The following PARP8 variants were observed in gnomAD, a reference collection of about 807,000 sequenced individuals.
PARP8 encodes poly(ADP-ribose) polymerase family member 8.
A neutral mutation model predicts 124.1 loss-of-function variants in PARP8; 51 were observed. The observed-to-expected ratio is 0.41, with a 90% CI of 0.33 to 0.52. PARP8 has a LOEUF of 0.52. Among genes scored for constraint, PARP8 ranks in the 20% least tolerant of loss-of-function variants. PARP8 has a pLI of 0.21. For synonymous variants in PARP8, 391 were observed against 361.5 expected (o/e 1.08, Z -0.93); for missense variants, 860 against 1,018.9 (o/e 0.84, Z 2.12).
chr5:50,804,721 A>G (rs1743630312), intron 14 of PARP8, among the ~76,000 whole-genome samples: 2 of 152,178 alleles, frequency 1.3e-5, no homozygotes, highest in Non-Finnish European at 2.9e-5. Context: ...ACAGCGGTTG[A>G]CTGAAGATTC....
At chr5:50,823,234 C>G (rs1745966736) in intron 17 of PARP8, among the ~76,000 whole-genome samples, 2 of 152,194 alleles carry the variant, frequency 1.3e-5, no homozygotes, top group African/African-American at 4.8e-5. Context: ...TGCTATGCAG[C>G]TTTCTCCCCG....
intron 14 of PARP8, among the ~76,000 whole-genome samples, chr5:50,801,139 A>C (rs936158413): frequency 1.3e-5 from 2 of 151,490 alleles, no homozygotes; most frequent in African/African-American, 4.9e-5. Flanking sequence ...TTTGAGATGG[A>C]GTTTTGCTTT....
chr5:50,734,950 CA>C (rs1554051927), intron 2 of PARP8, among the ~76,000 whole-genome samples: 2 of 151,964 alleles, frequency 1.3e-5, no homozygotes, highest in Non-Finnish European at 2.9e-5. Context: ...AAATTCAAAT[CA>C]TAACAATTAA....
chr5:50,717,548 C>T lies in PARP8; in HGVS notation c.147-32603C>T, dbSNP rs564361796. ...GATTTGGGTTTCATTGCAATAGAGACGACATTTAAAGCCCAAGAGTAGATG... is the reference window on the plus strand; with the variant it reads ...GATTTGGGTTTCATTGCAATAGAGATGACATTTAAAGCCCAAGAGTAGATG... On this transcript the variant is annotated intron_variant, in intron 2 of 25. Transcript: ENST00000281631. Among the ~76,000 whole-genome samples, 128 of 151,658 alleles carry T rather than the reference C, an allele frequency of 8.4e-4. 3 individuals carry two copies. The South Asian group carries it at 0.024, about 28-fold the overall frequency.
At chr5:50,806,076 GC>G (rs1323661148) in intron 14 of PARP8, among the ~76,000 whole-genome samples, 28 of 151,954 alleles carry the variant, frequency 1.8e-4, no homozygotes, top group African/African-American at 6.8e-4. Context: ...AAAAGTAAAT[GC>G]TTTTTGCATG....
At chr5:50,675,511 T>C (rs1186637221) in intron 2 of PARP8, among the ~76,000 whole-genome samples, 1 of 152,190 alleles carries the variant, frequency 6.6e-6, no homozygotes, top group Non-Finnish European at 1.5e-5. Context: ...TTCACCATAT[T>C]GGCCAGGTTG....
chr5:50,790,866 T>G (rs1237829137), intron 10 of PARP8, among the ~76,000 whole-genome samples: 1 of 152,150 alleles, frequency 6.6e-6, no homozygotes, highest in Non-Finnish European at 1.5e-5. Context: ...TTAATATAGA[T>G]TAGAATTATT....
At chr5:50,710,489 C>G (rs1382804247) in intron 2 of PARP8, among the ~76,000 whole-genome samples, 1 of 151,864 alleles carries the variant, frequency 6.6e-6, no homozygotes, top group African/African-American at 2.4e-5. Context: ...TAGAAGGAAA[C>G]CTTTTTTAAA....
intron 2 of PARP8, among the ~76,000 whole-genome samples, chr5:50,674,648 C>G (rs1321071079): frequency 1.3e-5 from 2 of 152,200 alleles, no homozygotes; most frequent in East Asian, 3.8e-4. Context: ...TCCACTGATA[C>G]ATGTTTCTCA....
chr5:50,672,937 C>T (rs1016315335), intron 2 of PARP8, among the ~76,000 whole-genome samples: 2 of 152,108 alleles, frequency 1.3e-5, no homozygotes, highest in African/African-American at 4.8e-5. Context: ...CAGACGTGCC[C>T]ACTCCAGAAA....
chr5:50,778,664 C>A lies in PARP8; in HGVS notation c.670+14C>A. The A allele has an allele frequency of 2.0e-6, 3 of 1,530,630 alleles. No individual in the cohort carries two copies. Among genetic ancestry groups the A allele is most frequent in the South Asian group, 1.2e-5 (1 of 80,968 alleles). 94.8% of individuals were successfully genotyped at this position (1,530,630 alleles called of 1,614,324 possible). The stretch of plus-strand genomic sequence containing the variant: ...TAAATGGCCCAGGTTAGTTTTATTT[C>A]TTTATTTATTATTTTGAATATTAAT... On this transcript the variant is annotated intron_variant, in intron 9 of 25. Coordinates refer to ENST00000281631, the MANE Select transcript of PARP8 (RefSeq NM_024615.4).
At chr5:50,776,143 T>C (rs541780370) in intron 7 of PARP8, among the ~76,000 whole-genome samples, 19 of 152,374 alleles carry the variant, frequency 1.2e-4, no homozygotes, top group African/African-American at 4.6e-4. Context: ...GTTGAAAAGA[T>C]CATAACATTT....
At chr5:50,805,878 A>G (rs937226830) in intron 14 of PARP8, among the ~76,000 whole-genome samples, 1 of 152,038 alleles carries the variant, frequency 6.6e-6, no homozygotes, top group Non-Finnish European at 1.5e-5. Flanking sequence ...AATAACTGCA[A>G]TTTTGTCATT....
chr5:50,831,958 A>G (rs1474977422), intron 22 of PARP8, among the ~76,000 whole-genome samples: 1 of 152,156 alleles, frequency 6.6e-6, no homozygotes, highest in African/African-American at 2.4e-5. Flanking sequence ...GCTTCTCTGC[A>G]TATATATCCT....
chr5:50,666,915 TCCTCCC>T lies in PARP8; in HGVS notation c.-175_-170del. The stretch of plus-strand genomic sequence containing the variant: ...AAAGCCGACCTCCCCCTCCTCCTCC[TCCTCCC>T]CCTCCTCCTCCTCCTCTTCTCTCAC... On this transcript the variant is annotated 5_prime_UTR_variant, in exon 1 of 26. Transcript: ENST00000281631. The T allele has an allele frequency of 7.8e-6, 10 of 1,282,182 alleles. No individual in the cohort carries two copies. The highest frequency in any genetic ancestry group is 1.5e-5 in the South Asian group (1 of 66,072). 79.4% of individuals were successfully genotyped at this position (1,282,182 alleles called of 1,614,324 possible). A position where few individuals can be genotyped will look rare whatever the true frequency, so the allele number is the denominator to read the frequency against.
At chr5:50,776,004 C>T (rs1477940868) in intron 7 of PARP8, among the ~76,000 whole-genome samples, 2 of 152,078 alleles carry the variant, frequency 1.3e-5, no homozygotes, top group Non-Finnish European at 1.5e-5. Context: ...TGAGTTTTTT[C>T]TTATTCAATG....
intron 2 of PARP8, among the ~76,000 whole-genome samples, chr5:50,696,232 T>C (rs1490844974): frequency 1.3e-5 from 2 of 152,308 alleles, no homozygotes; most frequent in East Asian, 1.9e-4. Context: ...TGGGCTGTTT[T>C]ACAGAAATAG....
At chr5:50,815,985 T>G (rs1745056969) in intron 15 of PARP8, among the ~76,000 whole-genome samples, 1 of 150,860 alleles carries the variant, frequency 6.6e-6, no homozygotes, top group African/African-American at 2.5e-5. Flanking sequence ...CCATCAAAAT[T>G]TCCAGATTTT....
At chr5:50,789,666 A>G (rs1208912347) in intron 10 of PARP8, among the ~76,000 whole-genome samples, 2 of 152,228 alleles carry the variant, frequency 1.3e-5, no homozygotes, top group Non-Finnish European at 2.9e-5. Flanking sequence ...TATAAACATT[A>G]ACTTCTATAC....
Sources: gnomAD v4.1 joint callset for allele counts (sites outside exome capture counted in the v4.1 genomes callset) on GRCh38, gnomAD v4.1.1 for gene constraint, MANE v1.5 for transcripts, NCBI Gene and HGNC (gene_info 2026-07-23, HGNC 2026-07-21) for gene names.